CDC42: variants seen among roughly 807,000 people sequenced by gnomAD.
CDC42 encodes the protein cell division cycle 42.
Under a neutral mutation model 20.8 loss-of-function variants are expected in CDC42, and 1 was observed. The ratio of observed to expected loss-of-function variants is 0.05; its 90% CI spans 0.02 to 0.23. The LOEUF is 0.23. Ranked by LOEUF, CDC42 falls within the 10% of genes least tolerant of loss-of-function variation. The pLI is 1.00. For synonymous variants in CDC42, 72 were observed against 84.8 expected (o/e 0.85, Z 0.83); for missense variants, 49 against 227.9 (o/e 0.21, Z 5.05).
At chr1:22,059,753 A>C (rs191836177) in intron 1 of CDC42, 1 of 152,222 alleles carries the variant, frequency 6.6e-6, no homozygotes, top group African/African-American at 2.4e-5. Context: ...TATGTTGGAC[A>C]GGATGGTCTT....
chr1:22,063,771 A>C (rs867592919), intron 1 of CDC42, among the ~76,000 whole-genome samples: 29 of 152,094 alleles, frequency 1.9e-4, no homozygotes, highest in African/African-American at 6.5e-4. Context: ...TCCAGGCTGG[A>C]ATGCAGTGAT....
At chr1:22,085,490 CTG>C (rs1645653150) in intron 3 of CDC42, among the ~76,000 whole-genome samples, 1 of 152,038 alleles carries the variant, frequency 6.6e-6, no homozygotes, top group Non-Finnish European at 1.5e-5. Context: ...TGCATTGAGT[CTG>C]TAGGTTGCTT....
At chr1:22,082,669 T>C (rs1270046345) in intron 3 of CDC42, among the ~76,000 whole-genome samples, 1 of 152,206 alleles carries the variant, frequency 6.6e-6, no homozygotes, top group Non-Finnish European at 1.5e-5. Flanking sequence ...AATGTGGTGT[T>C]ACACTGTGTA....
At chr1:22,058,485 G>T (rs1394841269) in intron 1 of CDC42, among the ~76,000 whole-genome samples, 3 of 146,232 alleles carry the variant, frequency 2.1e-5, no homozygotes, top group East Asian at 2.0e-4. Context: ...GTTATTTAAA[G>T]TTTTTTTTTT....
rs1323690198 is a variant in CDC42, at chr1:22,100,878, A to T, written c.*9361A>T. 6.6e-6 allele frequency: 1 copy of T among 152,286 alleles called. No homozygotes were observed. Among genetic ancestry groups the T allele is most frequent in the East Asian group, 1.9e-4 (1 of 5,190 alleles). The allele number at this position is 152,286 out of a possible 1,614,324, so 9.4% of individuals were successfully genotyped here. Reference sequence around the variant, plus strand: ...AGCCCTCCTTTGTAAGGTTTGCACTAGTTTGATGGGAGAGGGATTTTTTTT... The same window carrying T: ...AGCCCTCCTTTGTAAGGTTTGCACTTGTTTGATGGGAGAGGGATTTTTTTT... On this transcript the variant is annotated 3_prime_UTR_variant, in exon 6 of 6. Coordinates refer to ENST00000656825, the MANE Select transcript of CDC42 (RefSeq NM_001791.4).
At chr1:22,060,833 A>T (rs973625009) in intron 1 of CDC42, among the ~76,000 whole-genome samples, 4 of 152,238 alleles carry the variant, frequency 2.6e-5, no homozygotes, top group African/African-American at 9.6e-5. Context: ...TTTAAGATTA[A>T]CAAGATTTTA....
At chr1:22,068,830 T>G (rs543746611) in intron 1 of CDC42, 1 of 152,404 alleles carries the variant, frequency 6.6e-6, no homozygotes, top group African/African-American at 2.4e-5. Flanking sequence ...GGTGCCATGC[T>G]GGCTTCAGCT....
chr1:22,090,834 C>T (rs1645708773), intron 5 of CDC42: 1 of 983,086 alleles, frequency 1.0e-6, no homozygotes, highest in Non-Finnish European at 1.2e-6. Context: ...ATTCCTGTTG[C>T]ACTGACTGGC....
intron 1 of CDC42, among the ~76,000 whole-genome samples, chr1:22,069,081 CTTG>C (rs1285179345): frequency 6.6e-6 from 1 of 150,618 alleles, no homozygotes; most frequent in African/African-American, 2.4e-5. Context: ...TTAGTAAAGG[CTTG>C]TTGAATGAAT....
intron 2 of CDC42, among the ~76,000 whole-genome samples, chr1:22,079,112 C>T (rs1291717229): frequency 6.7e-6 from 1 of 148,940 alleles, no homozygotes; most frequent in African/African-American, 2.5e-5. Flanking sequence ...TTGGGGGTCA[C>T]TCCCACAACT....
chr1:22,065,050 T>C (rs1390273329), intron 1 of CDC42, among the ~76,000 whole-genome samples: 1 of 152,240 alleles, frequency 6.6e-6, no homozygotes, highest in Non-Finnish European at 1.5e-5. Flanking sequence ...AAGTGCTCTT[T>C]GCAGAGTGAC....
chr1:22,082,743 A>T (rs1009862569), intron 3 of CDC42, among the ~76,000 whole-genome samples: 1 of 152,214 alleles, frequency 6.6e-6, no homozygotes, highest in Non-Finnish European at 1.5e-5. Flanking sequence ...GATTAGAGAA[A>T]TTTTTAATAC....
chr1:22,085,725 C>T (rs778293377), intron 3 of CDC42, among the ~76,000 whole-genome samples: 6 of 152,132 alleles, frequency 3.9e-5, no homozygotes, highest in East Asian at 1.9e-4. Flanking sequence ...TTTCAGATAC[C>T]GGTCTTATAT....
chr1:22,091,686 C>G lies in CDC42; in HGVS notation c.*169C>G, dbSNP rs146272366. 1.0e-4 allele frequency: 42 copies of G among 412,842 alleles called. No individual in the cohort carries two copies. Among genetic ancestry groups the G allele is most frequent in the African/African-American group, 8.4e-4 (41 of 48,960 alleles). The allele number at this position is 412,842 out of a possible 1,614,324, so 25.6% of individuals were successfully genotyped here. On this transcript the variant is annotated 3_prime_UTR_variant, in exon 6 of 6. Transcript: ENST00000656825. ...GACAAGGCCCATAGGTATGGCCCCC[C>G]CCTTCCCCCTCCCAGTACTAGTTAA...
intron 3 of CDC42, among the ~76,000 whole-genome samples, chr1:22,084,835 A>G (rs1387767968): frequency 1.3e-5 from 2 of 152,100 alleles, no homozygotes; most frequent in African/African-American, 2.4e-5. Flanking sequence ...AGTATTAGGT[A>G]AGGTTTCATC....
chr1:22,088,682 C>T (rs1645686829), intron 5 of CDC42, among the ~76,000 whole-genome samples: 1 of 152,148 alleles, frequency 6.6e-6, no homozygotes, highest in Non-Finnish European at 1.5e-5. Context: ...GAAAGGAATT[C>T]CTTCTTGTTA....
rs1180017930 is a variant in CDC42 at position 22,078,855 on chromosome 1, G to C, written c.105+272G>C. On this transcript the variant is annotated intron_variant, in intron 2 of 5. Coordinates refer to ENST00000656825, the MANE Select transcript of CDC42 (RefSeq NM_001791.4). ...TAACGAGTGGTGGTCTCAATTTGGT[G>C]AAGTATGCCCTACATCTTGGAATGA... The C allele has an allele frequency of 2.2e-6, 3 of 1,347,460 alleles. No individual in the cohort carries two copies. In the African/African-American group the frequency reaches 4.5e-5, roughly 20 times the overall value. 83.5% of individuals were successfully genotyped at this position (1,347,460 alleles called of 1,614,324 possible).
At chr1:22,054,922 T>TATATATATATATA (rs1557890193) in intron 1 of CDC42, among the ~76,000 whole-genome samples, 33 of 7,774 alleles carry the variant, frequency 4.2e-3, no homozygotes, top group Admixed American at 9.5e-3. Context: ...TATATATATA[T>TATATATATATATA]TTTTTTTTTT....
chr1:22,092,344 GA>G lies in CDC42; in HGVS notation c.*831del, dbSNP rs1423107463. 2 of 152,568 alleles carry G rather than the reference GA, an allele frequency of 1.3e-5. No individual in the cohort carries two copies. The highest frequency in any genetic ancestry group is 4.8e-5 in the African/African-American group (2 of 41,444). 9.5% of individuals were successfully genotyped at this position (152,568 alleles called of 1,614,324 possible). A position where few individuals can be genotyped will look rare whatever the true frequency, so the allele number is the denominator to read the frequency against. ...CTAACTTCTTTCACTGATAAATGAA[GA>G]AAAGTATTGCACCTTTGAAATGCAC... On this transcript the variant is annotated 3_prime_UTR_variant, in exon 6 of 6. Coordinates refer to ENST00000656825, the MANE Select transcript of CDC42 (RefSeq NM_001791.4).
Sources: gnomAD v4.1 joint callset for allele counts (sites outside exome capture counted in the v4.1 genomes callset) on GRCh38, gnomAD v4.1.1 for gene constraint, MANE v1.5 for transcripts, NCBI Gene and HGNC (gene_info 2026-07-23, HGNC 2026-07-21) for gene names.